The following VWA5A variants were observed in gnomAD, a reference collection of about 807,000 sequenced individuals.
VWA5A encodes the protein von Willebrand factor A domain containing 5A, also known as von Willebrand factor A domain-containing protein 5A.
A neutral mutation model predicts 84.6 loss-of-function variants in VWA5A; 77 were observed. The ratio of observed to expected loss-of-function variants is 0.91; its 90% CI spans 0.76 to 1.10. The LOEUF is 1.10. VWA5A is among the 50% of genes least tolerant of loss of function. The pLI, the probability that VWA5A is intolerant of heterozygous loss-of-function variation, is 0.00. For missense variants in VWA5A, 973 were observed against 963.0 expected (o/e 1.01, Z -0.14); for synonymous variants, 334 against 350.1 (o/e 0.95, Z 0.51).
At chr11:124,134,095 A>C (rs1865137096) in intron 11 of VWA5A, among the ~76,000 whole-genome samples, 1 of 152,228 alleles carries the variant, frequency 6.6e-6, no homozygotes, top group Admixed American at 6.5e-5. Flanking sequence ...TTCAAAGATC[A>C]TGTTAGAAAT....
At chr11:124,136,761 C>T in intron 14 of VWA5A, 87 bp downstream of exon 14, 2 of 749,580 alleles carry the variant, frequency 2.7e-6, no homozygotes, top group Non-Finnish European at 4.2e-6. Flanking sequence ...TCCCTCCCTC[C>T]CTCCCTCCCT....
chr11:124,131,990 A>T (rs956272981), intron 11 of VWA5A, among the ~76,000 whole-genome samples: 2 of 151,970 alleles, frequency 1.3e-5, no homozygotes, highest in African/African-American at 4.8e-5. Flanking sequence ...GATTAAGGAA[A>T]TTCCCTTTTA....
At chr11:124,124,801 C>G (rs1192858227) in intron 11 of VWA5A, 1 of 153,082 alleles carries the variant, frequency 6.5e-6, no homozygotes, top group African/African-American at 2.4e-5. Flanking sequence ...GTTATTTATG[C>G]TTGTTTTTGA....
At chr11:124,140,796 C>T (rs1860711053) in intron 15 of VWA5A, among the ~76,000 whole-genome samples, 3 of 152,102 alleles carry the variant, frequency 2.0e-5, no homozygotes, top group Admixed American at 2.0e-4. Flanking sequence ...CTACTTTGTC[C>T]AGGCTGGTAG....
intron 11 of VWA5A, among the ~76,000 whole-genome samples, chr11:124,126,215 A>G (rs111504271): frequency 5.8e-4 from 89 of 152,336 alleles, no homozygotes; most frequent in African/African-American, 2.1e-3. Context: ...TCTTGATTAC[A>G]CTTGACTCTT....
chr11:124,144,601 T>C (rs78761356), intron 17 of VWA5A, among the ~76,000 whole-genome samples: 3,744 of 152,236 alleles, frequency 0.025, 162 homozygotes, highest in African/African-American at 0.086. Flanking sequence ...TTAAAAGTCA[T>C]GATATAAAAT....
chr11:124,124,415 C>G, intron 11 of VWA5A, 99 bp downstream of exon 11: 1 of 1,455,426 alleles, frequency 6.9e-7, no homozygotes, highest in Non-Finnish European at 9.0e-7. Context: ...TCAAGAGGAC[C>G]AAATGATTTC....
rs369240926 is a variant in VWA5A at position 124,145,339 on chromosome 11, G to A, written c.2257G>A (p.Val753Met). 183 of 1,613,302 alleles carry A rather than the reference G, an allele frequency of 1.1e-4. No individual in the cohort carries two copies. The highest frequency in any genetic ancestry group is 1.4e-4 in the Non-Finnish European group (162 of 1,179,648). Residue 753 changes from valine (V) to methionine (M), a missense_variant, in exon 18 of 19, where the codon GTG (valine) becomes ATG (methionine). Physicochemically the swap from Val to Met is conservative, Grantham distance 21. Coordinates refer to ENST00000456829, the MANE Select transcript of VWA5A (RefSeq NM_001130142.2). ...CEWELLERKAVAWMRAHAGST... is the reference protein window; with the variant it reads ...CEWELLERKAMAWMRAHAGST... ...ATGGGAGCTTCTGGAAAGGAAGGCC[G>A]TGGCCTGGATGCGTGCCCATGCAGG...
intron 12 of VWA5A, among the ~76,000 whole-genome samples, chr11:124,135,718 G>A (rs1009207531): frequency 2.0e-5 from 3 of 150,488 alleles, no homozygotes; most frequent in African/African-American, 7.4e-5. Flanking sequence ...TTTTAGTAGA[G>A]ACGGGGTTTC....
At chr11:124,135,907 TCAAA>T (rs1306691472) in intron 12 of VWA5A, among the ~76,000 whole-genome samples, 1 of 152,158 alleles carries the variant, frequency 6.6e-6, no homozygotes. Flanking sequence ...GTCTCGTTAC[TCAAA>T]CATTTTCTTT....
Position 124,137,052 on chromosome 11 carries a change from C to G in VWA5A, c.1663C>G (p.Gln555Glu). The G allele has an allele frequency of 6.2e-7, 1 of 1,613,258 alleles. No individual in the cohort carries two copies. The highest frequency in any genetic ancestry group is 8.5e-7 in the Non-Finnish European group (1 of 1,179,814). The change falls in exon 15 of 19, where the codon CAG becomes GAG. Residue 555 changes from glutamine (Q) to glutamate (E), a missense_variant. Coordinates refer to ENST00000456829, the MANE Select transcript of VWA5A (RefSeq NM_001130142.2). ...CCGCCTTGCTGCCAAGTCCTTGCTC[C>G]AGACCAAGGACATGGGCCTCAGGGA... ...IHRLAAKSLL[Q>E]TKDMGLRETP... is the part of the protein sequence containing the mutation.
intron 16 of VWA5A, 84 bp downstream of exon 16, chr11:124,141,825 C>T: frequency 6.6e-7 from 1 of 1,508,380 alleles, no homozygotes; most frequent in Admixed American, 2.0e-5. Flanking sequence ...CTTGTAGTTA[C>T]AGCTATGACA....
At chr11:124,119,269 G>A (rs1054257700) in intron 7 of VWA5A, among the ~76,000 whole-genome samples, 180 bp downstream of exon 7, 2 of 152,218 alleles carry the variant, frequency 1.3e-5, no homozygotes, top group Non-Finnish European at 2.9e-5. Flanking sequence ...CATGTGATAT[G>A]TCTTGTAGGC....
chr11:124,123,922 A>C, intron 10 of VWA5A, 118 bp downstream of exon 10: 1 of 1,358,750 alleles, frequency 7.4e-7, no homozygotes, highest in South Asian at 1.6e-5. Flanking sequence ...GTCTTCTATC[A>C]TATAGTAAAC....
chr11:124,136,509 T>G (rs1860587993), intron 13 of VWA5A, 65 bp from the exon 14 acceptor site: 33 of 1,553,468 alleles, frequency 2.1e-5, no homozygotes, highest in Non-Finnish European at 2.9e-5. Context: ...GCCCCTGTTC[T>G]GATCCTTCCA....
rs1274902557 is a variant in VWA5A, at chr11:124,145,243, G to C, written c.2161G>C (p.Asp721His). ...CTCTCTATCTACTGTGCAGCTTGTG[G>C]ATTCCTCAGGCTGGGCCACCATCCT... The part of the protein sequence containing the change: ...IMAAQPAELV[D>H]SSGWATILAV... Residue 721 changes from aspartate to histidine, a missense_variant, in exon 18 of 19, where the codon GAT (aspartate) becomes CAT (histidine). Transcript: ENST00000456829. 1.2e-6 allele frequency: 2 copies of C among 1,613,066 alleles called. No homozygotes were observed. The highest frequency in any genetic ancestry group is 2.7e-5 in the African/African-American group (2 of 75,002).
At position 124,136,281 on chromosome 11, in the gene VWA5A, C is replaced by A. The variant is rs757382320; in HGVS notation, c.1512C>A (p.Thr504=). ...GATTAATCAGCTATGCCCAGCTGAC[C>A]GGGAGGATGCCAGTGAGTTCCCATT... ...GQRLISYAQL[T]GRMPAAETTG... Residue 504 remains threonine (T), a synonymous_variant, in exon 13 of 19, where the codon ACC becomes ACA. Transcript: ENST00000456829. 1.2e-6 allele frequency: 2 copies of A among 1,612,904 alleles called. No individual in the cohort carries two copies. Among genetic ancestry groups the A allele is most frequent in the Non-Finnish European group, 1.7e-6 (2 of 1,179,050 alleles).
intron 11 of VWA5A, among the ~76,000 whole-genome samples, chr11:124,125,439 C>A (rs566594863): frequency 2.0e-5 from 3 of 152,118 alleles, no homozygotes; most frequent in Admixed American, 6.6e-5. Flanking sequence ...CCCACCACCG[C>A]GCCCAGCTAA....
Position 124,118,296 on chromosome 11 carries a change from A to C in VWA5A, c.354A>C (p.Gln118His). ...TCTCTTGCAATGTGGGTAACCTCCAACCTGGGTCGAAGGCGGCAGTCACCC... is the reference window on the plus strand; with the variant it reads ...TCTCTTGCAATGTGGGTAACCTCCACCCTGGGTCGAAGGCGGCAGTCACCC... The part of the protein sequence containing the change: ...DVFSCNVGNL[Q>H]PGSKAAVTLK... Residue 118 changes from glutamine (Q) to histidine (H), a missense_variant, in exon 5 of 19, where the codon CAA becomes CAC. Coordinates refer to ENST00000456829, the MANE Select transcript of VWA5A (RefSeq NM_001130142.2). 6.2e-7 allele frequency: 1 copy of C among 1,614,176 alleles called. No homozygotes were observed. Among genetic ancestry groups the C allele is most frequent in the East Asian group, 2.2e-5 (1 of 44,868 alleles).
Sources: allele counts gnomAD v4.1 joint callset (sites outside exome capture counted in the v4.1 genomes callset), GRCh38; gene constraint gnomAD v4.1.1; transcripts MANE v1.5; gene names NCBI Gene and HGNC (gene_info 2026-07-23, HGNC 2026-07-21).